HEXB: variants seen among roughly 807,000 people sequenced by gnomAD.
HEXB encodes the protein hexosaminidase subunit beta.
In HEXB, 51 loss-of-function variants were observed where a neutral mutation model predicts 71.2. That is an observed-to-expected ratio of 0.72 (90% CI 0.57 to 0.90). The LOEUF (loss-of-function observed/expected upper bound fraction) is 0.90, where lower values mean the gene tolerates loss of function less well. Ranked by LOEUF, HEXB falls within the 40% of genes least tolerant of loss-of-function variation. HEXB has a pLI of 0.00. For synonymous variants in HEXB, 266 were observed against 249.3 expected (o/e 1.07, Z -0.63); for missense variants, 617 against 677.0 (o/e 0.91, Z 0.98).
intron 1 of HEXB, among the ~76,000 whole-genome samples, chr5:74,671,384 C>G (rs1460816675): frequency 1.3e-5 from 2 of 150,416 alleles, no homozygotes; most frequent in African/African-American, 4.9e-5. Flanking sequence ...GGATGAATCT[C>G]AAAATAATTA....
intron 2 of HEXB, among the ~76,000 whole-genome samples, chr5:74,690,596 G>T (rs1748976924): frequency 7.6e-6 from 1 of 131,220 alleles, no homozygotes; most frequent in African/African-American, 2.9e-5. Context: ...AGGTTGCAGT[G>T]AGCTGCAATC....
intron 1 of HEXB, among the ~76,000 whole-genome samples, chr5:74,646,983 C>A (rs1748013379): frequency 6.6e-6 from 1 of 152,200 alleles, no homozygotes; most frequent in Admixed American, 6.5e-5. Flanking sequence ...AAGAAGGTAG[C>A]CCTGCCAAAA....
intron 1 of HEXB, among the ~76,000 whole-genome samples, chr5:74,663,608 A>C: frequency 6.6e-6 from 1 of 152,210 alleles, no homozygotes; most frequent in East Asian, 1.9e-4. Context: ...TAGGAGCAAA[A>C]TGGAAAAGAA....
At chr5:74,716,881 A>C (rs572438426) in intron 9 of HEXB, 9 of 435,672 alleles carry the variant, frequency 2.1e-5, no homozygotes, top group Non-Finnish European at 3.4e-5. Context: ...ATAGGAAGGC[A>C]GTCATCTGTT....
At chr5:74,687,553 A>T (rs1416752588) in intron 1 of HEXB, among the ~76,000 whole-genome samples, 1 of 152,192 alleles carries the variant, frequency 6.6e-6, no homozygotes, top group African/African-American at 2.4e-5. Context: ...AAACTAACCC[A>T]CATACCTTTG....
At chr5:74,709,365 A>T (rs1245210368) in intron 6 of HEXB, among the ~76,000 whole-genome samples, 1 of 152,178 alleles carries the variant, frequency 6.6e-6, no homozygotes, top group African/African-American at 2.4e-5. Context: ...TGACACCCTA[A>T]CATCACAATT....
chr5:74,718,215 G>T (rs1178183427), intron 9 of HEXB, 76 bp from the exon 10 acceptor site: 2 of 1,023,352 alleles, frequency 2.0e-6, no homozygotes, highest in Non-Finnish European at 3.1e-6. Flanking sequence ...AGAAATCCTT[G>T]GTAGAAAATG....
At chr5:74,685,822 CTTG>C (rs920552890) in intron 1 of HEXB, among the ~76,000 whole-genome samples, 15 of 152,070 alleles carry the variant, frequency 9.9e-5, no homozygotes, top group African/African-American at 3.4e-4. Flanking sequence ...GCTCTGAGGC[CTTG>C]TTGGGCAAAT....
At position 74,720,436 on chromosome 5, in the gene HEXB, A is replaced by C; in HGVS notation, c.1426A>C (p.Lys476Gln). 1 of 1,609,858 alleles carries C rather than the reference A, an allele frequency of 6.2e-7. No homozygotes were observed. The highest frequency in any genetic ancestry group is 8.5e-7 in the Non-Finnish European group (1 of 1,176,070). The change falls in exon 12 of 14, where the codon AAA (lysine) becomes CAA (glutamine). Residue 476 changes from lysine (K) to glutamine (Q), a missense_variant. Coordinates refer to ENST00000261416, the MANE Select transcript of HEXB (RefSeq NM_000521.4). Reference protein sequence around the residue: ...VEPLDFGGTQKQKQLFIGGEA... With the variant: ...VEPLDFGGTQQQKQLFIGGEA... ...CAATGATTTTAATTTAGGTACTCAGAAACAGAAACAACTTTTCATTGGTGG... is the reference window on the plus strand; with the variant it reads ...CAATGATTTTAATTTAGGTACTCAGCAACAGAAACAACTTTTCATTGGTGG...
intron 1 of HEXB, among the ~76,000 whole-genome samples, chr5:74,675,223 A>G (rs1748609664): frequency 6.6e-6 from 1 of 152,204 alleles, no homozygotes; most frequent in African/African-American, 2.4e-5. Context: ...CAGGGTGATC[A>G]GACATCAAGG....
chr5:74,701,137 C>G lies in HEXB; in HGVS notation c.669+4031C>G, dbSNP rs1426567890. Reference sequence around the variant, plus strand: ...AGCTCAGGCGATCCACCTGCCTTGGCCTCTCAAAGTGCTGGGATTACAGGC... The same window carrying G: ...AGCTCAGGCGATCCACCTGCCTTGGGCTCTCAAAGTGCTGGGATTACAGGC... On this transcript the variant is annotated intron_variant, in intron 5 of 13. Transcript: ENST00000261416. Among the ~76,000 whole-genome samples the G allele has an allele frequency of 2.0e-5, 3 of 151,948 alleles. No homozygotes were observed. The East Asian group carries it at 5.8e-4, about 29-fold the overall frequency.
At chr5:74,675,385 G>A (rs939221429) in intron 1 of HEXB, among the ~76,000 whole-genome samples, 1 of 152,194 alleles carries the variant, frequency 6.6e-6, no homozygotes, top group South Asian at 2.1e-4. Flanking sequence ...TCCAGAAGAG[G>A]CTTAGTCAGG....
chr5:74,677,364 A>G (rs1326811786), intron 1 of HEXB, among the ~76,000 whole-genome samples: 1 of 152,068 alleles, frequency 6.6e-6, no homozygotes, highest in African/African-American at 2.4e-5. Flanking sequence ...CTGCTCTGAG[A>G]TATTTTCATT....
intron 1 of HEXB, among the ~76,000 whole-genome samples, chr5:74,661,400 C>T (rs189803114): frequency 1.4e-4 from 21 of 152,248 alleles, no homozygotes; most frequent in Non-Finnish European, 2.5e-4. Context: ...CTCCTTTAGT[C>T]CTGAACAGCA....
At chr5:74,656,227 G>A (rs563777347) in intron 1 of HEXB, among the ~76,000 whole-genome samples, 9 of 152,058 alleles carry the variant, frequency 5.9e-5, no homozygotes, top group South Asian at 2.1e-4. Context: ...AGGCCTAGCC[G>A]GGTGGATCAC....
chr5:74,679,285 T>C lies in HEXB; in HGVS notation c.-376-10043T>C, dbSNP rs1351488269. 2.6e-5 allele frequency among the ~76,000 whole-genome samples: 4 copies of C among 152,330 alleles called. No homozygotes were observed. The East Asian group carries it at 7.7e-4, about 29-fold the overall frequency. Reference sequence around the variant, plus strand: ...CTTGAAAAGGCTTTTAGTAGAGGTATAGGCTTGAAGAGACTCACTTTAAAA... The same window carrying C: ...CTTGAAAAGGCTTTTAGTAGAGGTACAGGCTTGAAGAGACTCACTTTAAAA... On this transcript the variant is annotated intron_variant, in intron 1 of 13. Coordinates refer to the HEXB transcript ENST00000511181.
In HEXB at chr5:74,720,741, T is replaced by C; in HGVS notation, c.1607T>C (p.Met536Thr). ...AGACTGACAAGGCACCGCTGCAGGA[T>C]GGTCGAGTAAGAAATCTATTAAGTC... is the stretch of plus-strand genomic sequence containing the variant. ...YDRLTRHRCR[M>T]VERGIAAQPL... is the part of the protein sequence containing the mutation. Residue 536 changes from methionine (M) to threonine (T), a missense_variant, in exon 13 of 14, where the codon ATG (methionine) becomes ACG (threonine). Physicochemically the swap from Met to Thr is moderately conservative, Grantham distance 81. Transcript: ENST00000261416. 6.2e-7 allele frequency: 1 copy of C among 1,612,596 alleles called. No individual in the cohort carries two copies. Among genetic ancestry groups the C allele is most frequent in the Non-Finnish European group, 8.5e-7 (1 of 1,178,550 alleles).
At chr5:74,666,970 A>G (rs1748443322) in intron 1 of HEXB, among the ~76,000 whole-genome samples, 1 of 152,078 alleles carries the variant, frequency 6.6e-6, no homozygotes, top group Non-Finnish European at 1.5e-5. Flanking sequence ...CTATGTTGCT[A>G]TTTTTGTAAA....
intron 9 of HEXB, chr5:74,716,895 A>T: frequency 2.5e-6 from 1 of 402,108 alleles, no homozygotes; most frequent in Non-Finnish European, 4.7e-6. Flanking sequence ...ATCTGTTCTA[A>T]AAACTCAGAT....
Sources: gnomAD v4.1 joint callset for allele counts (sites outside exome capture counted in the v4.1 genomes callset) on GRCh38, gnomAD v4.1.1 for gene constraint, MANE v1.5 for transcripts, NCBI Gene and HGNC (gene_info 2026-07-23, HGNC 2026-07-21) for gene names.